NPHP3: variants seen among roughly 807,000 people sequenced by gnomAD.
NPHP3 encodes nephrocystin 3.
In NPHP3, 123 loss-of-function variants were observed where a neutral mutation model predicts 171.9. The observed-to-expected ratio is 0.72, with a 90% confidence interval of 0.62 to 0.83. The LOEUF is 0.83. Among genes scored for constraint, NPHP3 ranks in the 40% least tolerant of loss-of-function variants. The pLI is 0.00. For synonymous variants in NPHP3, 558 were observed against 579.2 expected (o/e 0.96, Z 0.52); for missense variants, 1,506 against 1,591.9 (o/e 0.95, Z 0.92).
chr3:132,686,078 C>A, intron 23 of NPHP3, 182 bp downstream of exon 23: 4 of 560,130 alleles, frequency 7.1e-6, no homozygotes, highest in African/African-American at 1.9e-5. Flanking sequence ...TGAAAAGAAA[C>A]ACAGTAGAGA....
At chr3:132,702,058 G>A (rs1327733777) in intron 9 of NPHP3, among the ~76,000 whole-genome samples, 1 of 151,728 alleles carries the variant, frequency 6.6e-6, no homozygotes, top group Non-Finnish European at 1.5e-5. Flanking sequence ...AACAAAAAAT[G>A]GGCCCCAATT....
In NPHP3 at chr3:132,680,781, C is replaced by T. The variant is rs1371577643; in HGVS notation, c.*1129G>A. On this transcript the variant is annotated 3_prime_UTR_variant, in exon 27 of 27. Transcript: ENST00000337331. ...AAAATGTTGCAATATTTATAAAATC[C>T]ATAAAAATATTTAATTTTCAGTATG... is the stretch of plus-strand genomic sequence containing the variant. 6.6e-6 allele frequency: 1 copy of T among 151,720 alleles called. No individual in the cohort carries two copies. The highest frequency in any genetic ancestry group is 1.5e-5 in the Non-Finnish European group (1 of 67,970). 9.4% of individuals were successfully genotyped at this position (151,720 alleles called of 1,614,324 possible).
chr3:132,699,343 G>A lies in NPHP3; in HGVS notation c.1985+10C>T. On this transcript the variant is annotated intron_variant, in intron 13 of 26. Coordinates refer to ENST00000337331, the MANE Select transcript of NPHP3 (RefSeq NM_153240.5). ...CATGTACTCTGAAAGAACTAAAGTT[G>A]GCATCGTACCTCCATGCTGGAGGGC... The A allele has an allele frequency of 6.3e-7, 1 of 1,574,982 alleles. No homozygotes were observed.
Position 132,718,000 on chromosome 3 carries a change from C to T in NPHP3, c.670+994G>A, listed in dbSNP as rs553193753. On this transcript the variant is annotated intron_variant, in intron 3 of 26. Transcript: ENST00000337331. ...TGATCTTTTGACCTCGTGATCCGCCCGCCTTGGCCTCCCAAAGTGCTGGTA... is the reference window on the plus strand; with the variant it reads ...TGATCTTTTGACCTCGTGATCCGCCTGCCTTGGCCTCCCAAAGTGCTGGTA... The T allele has an allele frequency of 2.3e-4, 98 of 423,536 alleles. 1 individual carries two copies. In the Admixed American group the frequency reaches 2.6e-3, roughly 11 times the overall value. The allele number at this position is 423,536 out of a possible 1,614,324, so 26.2% of individuals were successfully genotyped here.
At chr3:132,693,171 C>T (rs1939343482) in intron 16 of NPHP3, 2 of 213,472 alleles carry the variant, frequency 9.4e-6, no homozygotes, top group Non-Finnish European at 1.9e-5. Flanking sequence ...GTATGAATAT[C>T]AGACACATTT....
At chr3:132,698,214 C>A (rs1017580859) in intron 13 of NPHP3, among the ~76,000 whole-genome samples, 3 of 152,050 alleles carry the variant, frequency 2.0e-5, no homozygotes, top group Non-Finnish European at 4.4e-5. Context: ...CTCCTGACCT[C>A]CCGATCCACC....
At chr3:132,720,074 C>CT (rs1560017834) in intron 1 of NPHP3, among the ~76,000 whole-genome samples, 1 of 152,120 alleles carries the variant, frequency 6.6e-6, no homozygotes, top group Non-Finnish European at 1.5e-5. Context: ...TGGAAATTAA[C>CT]TTTTTTTGAA....
chr3:132,709,568 C>G (rs1263984373), intron 6 of NPHP3, among the ~76,000 whole-genome samples: 3 of 152,154 alleles, frequency 2.0e-5, no homozygotes, highest in Admixed American at 1.3e-4. Flanking sequence ...TAGGCATGAG[C>G]CACTGAGTGC....
intron 15 of NPHP3, 79 bp from the exon 16 acceptor site, chr3:132,695,044 G>A (rs369354183): frequency 9.4e-6 from 13 of 1,378,454 alleles, no homozygotes; most frequent in East Asian, 9.2e-5. Flanking sequence ...TAAAAACAAC[G>A]TGAACTCTAT....
At chr3:132,704,484 A>G (rs1284278293) in intron 8 of NPHP3, 113 bp from the exon 9 acceptor site, 14 of 938,698 alleles carry the variant, frequency 1.5e-5, no homozygotes, top group Non-Finnish European at 2.1e-5. Flanking sequence ...AAGTTCAAAC[A>G]TACAGCCTTT....
chr3:132,721,914 G>C (rs746568340), intron 1 of NPHP3, 49 bp downstream of exon 1: 14 of 1,599,786 alleles, frequency 8.8e-6, no homozygotes, highest in Non-Finnish European at 1.2e-5. Context: ...GAGCAGGACG[G>C]CCGTGCTTCC....
Position 132,690,626 on chromosome 3 carries a change from A to T in NPHP3, c.2595T>A (p.Ser865Arg). 6.2e-7 allele frequency: 1 copy of T among 1,613,868 alleles called. No homozygotes were observed. The highest frequency in any genetic ancestry group is 8.5e-7 in the Non-Finnish European group (1 of 1,179,788). The change falls in exon 19 of 27, where the codon AGT becomes AGA. Residue 865 changes from serine to arginine, a missense_variant. Ser to Arg is a moderately radical substitution (Grantham distance 110). Around this residue, in one of 3 missense-constraint regions of NPHP3, gnomAD observed 569 missense variants for 648.1 expected, o/e 0.88. Transcript: ENST00000337331. ...QLSQDRVTWRSADELPWLFQQ... is the reference protein window; with the variant it reads ...QLSQDRVTWRRADELPWLFQQ... ...GAAAAAGCCACGGGAGTTCATCTGC[A>T]CTTCTCCAAGTCACTCTGTCCTGAC...
chr3:132,696,873 G>C, intron 14 of NPHP3, 60 bp from the exon 15 acceptor site: 3 of 1,320,204 alleles, frequency 2.3e-6, no homozygotes, highest in Non-Finnish European at 2.2e-6. Flanking sequence ...GGAATTAAGC[G>C]GTCTTTACTA....
intron 5 of NPHP3, among the ~76,000 whole-genome samples, chr3:132,714,348 G>C (rs961478724): frequency 3.9e-5 from 6 of 152,098 alleles, no homozygotes; most frequent in African/African-American, 1.4e-4. Flanking sequence ...AGTGACCCTT[G>C]CCTTAGAATA....
intron 22 of NPHP3, 68 bp downstream of exon 22, chr3:132,687,083 G>GT: frequency 1.3e-6 from 1 of 761,258 alleles, no homozygotes; most frequent in Non-Finnish European, 2.4e-6. Context: ...AACATGTGGG[G>GT]TGTATGCATT....
Position 132,715,172 on chromosome 3 carries a change from C to T in NPHP3, c.870G>A (p.Leu290=). 6.2e-7 allele frequency: 1 copy of T among 1,611,604 alleles called. No individual in the cohort carries two copies. The change falls in exon 5 of 27, where the codon CTG becomes CTA. Residue 290 remains leucine, a synonymous_variant. Coordinates refer to ENST00000337331, the MANE Select transcript of NPHP3 (RefSeq NM_153240.5). ...AVASLLQVTP[L]FSHSLWSNTV... Reference sequence around the variant, plus strand: ...TGTTACTCCACAGAGAATGTGAAAACAGAGGAGTAACTTGTAATAAACTAG... The same window carrying T: ...TGTTACTCCACAGAGAATGTGAAAATAGAGGAGTAACTTGTAATAAACTAG...
intron 17 of NPHP3, among the ~76,000 whole-genome samples, chr3:132,691,737 C>T (rs775955083): frequency 6.6e-6 from 1 of 152,044 alleles, no homozygotes; most frequent in African/African-American, 2.4e-5. Flanking sequence ...TTATTTTAGC[C>T]AAAACTTCCT....
chr3:132,683,540 T>A lies in NPHP3; in HGVS notation c.3571-16A>T. 6.2e-7 allele frequency: 1 copy of A among 1,603,160 alleles called. No homozygotes were observed. The highest frequency in any genetic ancestry group is 8.5e-7 in the Non-Finnish European group (1 of 1,171,118). Reference sequence around the variant, plus strand: ...CAAGTTTCCCCTAAAAAACAAGAGTTAAATCTAACAAAAATATAAGGCAAT... The same window carrying A: ...CAAGTTTCCCCTAAAAAACAAGAGTAAAATCTAACAAAAATATAAGGCAAT... On this transcript the variant is annotated splice_polypyrimidine_tract_variant and intron_variant, in intron 24 of 26. Transcript: ENST00000337331.
chr3:132,691,213 T>C lies in NPHP3; in HGVS notation c.2549A>G (p.Asn850Ser). The C allele has an allele frequency of 6.2e-7, 1 of 1,613,084 alleles. No homozygotes were observed. The highest frequency in any genetic ancestry group is 8.5e-7 in the Non-Finnish European group (1 of 1,179,224). Residue 850 changes from asparagine to serine, a missense_variant, in exon 18 of 27, where the codon AAC becomes AGC. Around this residue, in one of 3 missense-constraint regions of NPHP3, gnomAD observed 569 missense variants for 648.1 expected, o/e 0.88. Transcript: ENST00000337331. ...VTSSYRQKLI[N>S]YFTLQLSQDR... is the part of the protein sequence containing the mutation. ...ATACCTTAGCTGCAAGGTGAAATAG[T>C]TGATTAGCTTTTGCCTGTATGAAGA... is the stretch of plus-strand genomic sequence containing the variant.
Sources: gnomAD v4.1 joint callset for allele counts (sites outside exome capture counted in the v4.1 genomes callset) on GRCh38, gnomAD v4.1.1 for gene constraint, gnomAD v4.1.1 regional missense constraint, MANE v1.5 for transcripts, NCBI Gene and HGNC (gene_info 2026-07-23, HGNC 2026-07-21) for gene names.